Variants in ABI1 observed in about 807,000 individuals in gnomAD.
The protein encoded by ABI1 is Abelson interactor 1.
In ABI1, 14 loss-of-function variants were observed where a neutral mutation model predicts 54.6. The observed-to-expected ratio is 0.26, with a 90% CI of 0.17 to 0.40. ABI1 has a LOEUF of 0.40. Among genes scored for constraint, ABI1 ranks in the 10% least tolerant of loss-of-function variants. The probability of loss-of-function intolerance (pLI) is 1.00; values close to 1 mark genes in which losing one functional copy is unlikely to be tolerated. For synonymous variants in ABI1, 194 were observed against 209.3 expected, an observed-to-expected ratio of 0.93 and a Z score of 0.63; for missense variants, 443 against 598.3, an observed-to-expected ratio of 0.74 and a Z score of 2.71.
intron 2 of ABI1, among the ~76,000 whole-genome samples, chr10:26,817,651 T>C (rs1338841652): frequency 6.6e-6 from 1 of 152,154 alleles, no homozygotes; most frequent in Non-Finnish European, 1.5e-5. Context: ...TACAAAACAA[T>C]GTCAAGGTAC....
Position 26,755,677 on chromosome 10 carries a change from G to A in ABI1, c.1062C>T (p.Phe354=), listed in dbSNP as rs866969332. 2 of 1,613,478 alleles carry A rather than the reference G, an allele frequency of 1.2e-6. No homozygotes were observed. Among genetic ancestry groups the A allele is most frequent in the Non-Finnish European group, 1.7e-6 (2 of 1,179,590 alleles). Reference sequence around the variant, plus strand: ...TACTGTTTTCCTGCACCCTGGCCACGAAGCCTGTGAGAGGTATCTGTGGAG... The same window carrying A: ...TACTGTTTTCCTGCACCCTGGCCACAAAGCCTGTGAGAGGTATCTGTGGAG... ...QLTPQIPLTG[F]VARVQENIAD... Residue 354 remains phenylalanine (F), a synonymous_variant, in exon 9 of 11, where the codon TTC becomes TTT. Coordinates refer to ENST00000376140, the MANE Select transcript of ABI1 (RefSeq NM_001012750.3).
Position 26,748,558 on chromosome 10 carries a change from GAAAA to G in ABI1, c.*8_*11del. ...TGAGTAATAAGAATCTACTTCAAAA[GAAAA>G]AAAAAAATTAATCAGTATAGTGCAT... On this transcript the variant is annotated 3_prime_UTR_variant, in exon 11 of 11. Transcript: ENST00000376140. The G allele has an allele frequency of 8.1e-7, 1 of 1,241,058 alleles. No homozygotes were observed. Among genetic ancestry groups the G allele is most frequent in the East Asian group, 2.9e-5 (1 of 34,098 alleles). 76.9% of individuals were successfully genotyped at this position (1,241,058 alleles called of 1,614,324 possible). A position where few individuals can be genotyped will look rare whatever the true frequency, so the allele number is the denominator to read the frequency against.
intron 2 of ABI1, among the ~76,000 whole-genome samples, chr10:26,814,028 G>T (rs3916988): frequency 6.6e-6 from 1 of 151,886 alleles, no homozygotes; most frequent in East Asian, 1.9e-4. Flanking sequence ...CTAGGTACCC[G>T]CCCTACCTCC....
intron 10 of ABI1, among the ~76,000 whole-genome samples, chr10:26,750,434 C>G (rs1365109975): frequency 1.3e-5 from 2 of 152,170 alleles, no homozygotes; most frequent in East Asian, 3.8e-4. Context: ...GCGGAAGTTG[C>G]AGTGAGCCGA....
intron 2 of ABI1, among the ~76,000 whole-genome samples, chr10:26,794,135 C>T (rs1403878006): frequency 1.3e-5 from 2 of 151,878 alleles, no homozygotes; most frequent in African/African-American, 4.8e-5. Context: ...CCCAGCTACT[C>T]GAGAGGCTAA....
chr10:26,819,062 C>T (rs1348003733), intron 2 of ABI1, among the ~76,000 whole-genome samples: 1 of 152,204 alleles, frequency 6.6e-6, no homozygotes, highest in Admixed American at 6.5e-5. Flanking sequence ...TCAACTATTA[C>T]AAAGTCTTAA....
chr10:26,848,869 A>G (rs1382689752), intron 1 of ABI1, among the ~76,000 whole-genome samples: 1 of 152,188 alleles, frequency 6.6e-6, no homozygotes, highest in Non-Finnish European at 1.5e-5. Context: ...TTGGCCTCCC[A>G]AAGTGCTGGG....
intron 2 of ABI1, among the ~76,000 whole-genome samples, chr10:26,811,466 G>A (rs1253198246): frequency 1.3e-5 from 2 of 152,122 alleles, no homozygotes; most frequent in Non-Finnish European, 2.9e-5. Flanking sequence ...AAGAAGGGGA[G>A]TTAGGAAATT....
chr10:26,800,004 TAA>T (rs56949695), intron 2 of ABI1, among the ~76,000 whole-genome samples: 17,816 of 124,726 alleles, frequency 0.14, 2,906 homozygotes, highest in African/African-American at 0.4. Context: ...CACAAAAACG[TAA>T]AAAAAAAAAA....
chr10:26,833,489 C>A (rs1429562033), intron 1 of ABI1, among the ~76,000 whole-genome samples: 1 of 152,062 alleles, frequency 6.6e-6, no homozygotes, highest in Non-Finnish European at 1.5e-5. Context: ...AGTCTTAATG[C>A]AAAACCTGAA....
chr10:26,771,333 A>G (rs1281754777), intron 3 of ABI1, among the ~76,000 whole-genome samples: 2 of 152,030 alleles, frequency 1.3e-5, no homozygotes, highest in South Asian at 2.1e-4. Context: ...TTCCAATCTC[A>G]TGCAGGCTCA....
chr10:26,774,893 A>G (rs1008817854), intron 3 of ABI1, among the ~76,000 whole-genome samples: 21 of 152,000 alleles, frequency 1.4e-4, no homozygotes, highest in Non-Finnish European at 2.8e-4. Context: ...AAAGCCAAAC[A>G]GCAATATGAG....
intron 1 of ABI1, among the ~76,000 whole-genome samples, chr10:26,848,046 A>C (rs10082354): frequency 0.26 from 38,855 of 151,468 alleles, 5,668 homozygotes; most frequent in South Asian, 0.44. Flanking sequence ...AAAAATACCC[A>C]AAAAATTAGC....
chr10:26,812,616 G>C (rs1588953720), intron 2 of ABI1, among the ~76,000 whole-genome samples: 1 of 152,344 alleles, frequency 6.6e-6, no homozygotes, highest in Admixed American at 6.5e-5. Context: ...CCACAGGTAA[G>C]TGGCTAGGAA....
intron 1 of ABI1, among the ~76,000 whole-genome samples, chr10:26,831,411 C>A (rs1156767883): frequency 6.6e-6 from 1 of 152,044 alleles, no homozygotes; most frequent in Non-Finnish European, 1.5e-5. Context: ...GGAGTGGTCG[C>A]AGGCACCTGT....
intron 2 of ABI1, among the ~76,000 whole-genome samples, chr10:26,797,677 G>T (rs1399331490): frequency 6.6e-6 from 1 of 152,148 alleles, no homozygotes; most frequent in African/African-American, 2.4e-5. Flanking sequence ...TGGCTGAATA[G>T]TGGGGTCAGA....
intron 1 of ABI1, among the ~76,000 whole-genome samples, chr10:26,825,173 T>G (rs1043680204): frequency 6.6e-6 from 1 of 152,190 alleles, no homozygotes; most frequent in African/African-American, 2.4e-5. Flanking sequence ...TTAACAAGAT[T>G]TCTCTATGGC....
chr10:26,849,171 G>A (rs1394500943), intron 1 of ABI1, among the ~76,000 whole-genome samples: 3 of 152,028 alleles, frequency 2.0e-5, no homozygotes, highest in African/African-American at 7.3e-5. Flanking sequence ...AATGTTATTT[G>A]CTTTCTTTCC....
At chr10:26,797,224 G>A (rs1844297098) in intron 2 of ABI1, among the ~76,000 whole-genome samples, 1 of 152,212 alleles carries the variant, frequency 6.6e-6, no homozygotes, top group Non-Finnish European at 1.5e-5. Context: ...TGGTTCAAAT[G>A]ATGCCATTTA....
Sources: gnomAD v4.1 joint callset for allele counts (sites outside exome capture counted in the v4.1 genomes callset) on GRCh38, gnomAD v4.1.1 for gene constraint, MANE v1.5 for transcripts, NCBI Gene and HGNC (gene_info 2026-07-23, HGNC 2026-07-21) for gene names.